MAGI2: variants seen among roughly 807,000 people sequenced by gnomAD.
MAGI2 encodes the protein membrane-associated guanylate kinase, WW and PDZ domain-containing protein 2.
A neutral mutation model predicts 133.3 loss-of-function variants in MAGI2; 35 were observed. The observed-to-expected ratio is 0.26, with a 90% confidence interval of 0.20 to 0.35. The LOEUF (loss-of-function observed/expected upper bound fraction) is 0.35, where lower values mean the gene tolerates loss of function less well. Ranked by LOEUF, MAGI2 falls within the 10% of genes least tolerant of loss-of-function variation. MAGI2 has a pLI of 1.00. For synonymous variants in MAGI2, 729 were observed against 710.6 expected, an observed-to-expected ratio of 1.03 and a Z score of -0.41; for missense variants, 1,636 against 1,863.4, an observed-to-expected ratio of 0.88 and a Z score of 2.25.
At chr7:78,521,725 T>C in intron 3 of MAGI2, 80 bp from the exon 4 acceptor site, 2 of 1,179,096 alleles carry the variant, frequency 1.7e-6, no homozygotes, top group South Asian at 2.6e-5. Flanking sequence ...GGAAATTATA[T>C]TAACACATTT....
chr7:78,061,814 C>A (rs571537946), intron 21 of MAGI2, among the ~76,000 whole-genome samples: 9 of 152,136 alleles, frequency 5.9e-5, no homozygotes, highest in Non-Finnish European at 1.0e-4. Context: ...GAAAATCCAG[C>A]GAATACACTG....
At chr7:79,060,160 A>C (rs930345347) in intron 1 of MAGI2, among the ~76,000 whole-genome samples, 3 of 152,080 alleles carry the variant, frequency 2.0e-5, no homozygotes, top group Admixed American at 6.6e-5. Context: ...ATAAGAAAGG[A>C]AGACTCAGAA....
chr7:78,588,435 G>C (rs1056977518), intron 3 of MAGI2, among the ~76,000 whole-genome samples: 1 of 152,164 alleles, frequency 6.6e-6, no homozygotes, highest in East Asian at 1.9e-4. Context: ...AGGGGGAGGG[G>C]TAGATGGCTG....
intron 2 of MAGI2, among the ~76,000 whole-genome samples, chr7:78,878,801 C>T (rs1447183832): frequency 6.6e-6 from 1 of 152,182 alleles, no homozygotes; most frequent in Non-Finnish European, 1.5e-5. Context: ...GGCAGATCTT[C>T]ATACATCTGA....
chr7:78,542,863 G>A (rs905181969), intron 3 of MAGI2, among the ~76,000 whole-genome samples: 2 of 152,180 alleles, frequency 1.3e-5, no homozygotes, highest in Admixed American at 1.3e-4. Context: ...CTTCCTTCTT[G>A]TTACGCTGTG....
intron 7 of MAGI2, among the ~76,000 whole-genome samples, chr7:78,355,459 T>G (rs1280295159): frequency 6.6e-6 from 1 of 151,974 alleles, no homozygotes; most frequent in African/African-American, 2.4e-5. Context: ...GATGGCAGAG[T>G]GGGATGGGAA....
intron 6 of MAGI2, among the ~76,000 whole-genome samples, chr7:78,419,646 A>C (rs1584011853): frequency 6.7e-6 from 1 of 149,922 alleles, no homozygotes; most frequent in East Asian, 2.0e-4. Context: ...AAGAGAGCTA[A>C]GCATTTTTTC....
chr7:78,958,488 T>C (rs1342054884), intron 2 of MAGI2, among the ~76,000 whole-genome samples: 3 of 152,156 alleles, frequency 2.0e-5, no homozygotes, highest in African/African-American at 4.8e-5. Context: ...TTCTTGCCAA[T>C]CATAACTCAA....
intron 3 of MAGI2, among the ~76,000 whole-genome samples, chr7:78,573,313 A>AATATATATATAAATATATATATTTAT (rs1563189185): frequency 4.6e-5 from 2 of 43,444 alleles, no homozygotes; most frequent in Non-Finnish European, 8.4e-5. Flanking sequence ...TATATATATA[A>AATATATATATAAATATATATATTTAT]ATATATAAAT....
chr7:79,280,166 T>C (rs1416947523), intron 1 of MAGI2, among the ~76,000 whole-genome samples: 1 of 152,164 alleles, frequency 6.6e-6, no homozygotes, highest in Non-Finnish European at 1.5e-5. Context: ...GTTAGGAAGA[T>C]ACAGAGGCAC....
chr7:78,695,550 T>C (rs1563366803), intron 2 of MAGI2, among the ~76,000 whole-genome samples: 1 of 152,182 alleles, frequency 6.6e-6, no homozygotes, highest in Admixed American at 6.5e-5. Flanking sequence ...TAGTCATATT[T>C]TGGGGTTTCT....
chr7:78,954,011 GT>G (rs1297749064), intron 2 of MAGI2, among the ~76,000 whole-genome samples: 1 of 152,058 alleles, frequency 6.6e-6, no homozygotes, highest in African/African-American at 2.4e-5. Flanking sequence ...CCTTCCTGTA[GT>G]TAATAAATCA....
At chr7:78,541,802 C>A (rs559717501) in intron 3 of MAGI2, among the ~76,000 whole-genome samples, 1 of 152,120 alleles carries the variant, frequency 6.6e-6, no homozygotes, top group Non-Finnish European at 1.5e-5. Flanking sequence ...TTTAAAAGGC[C>A]GGTAAAAGAA....
chr7:79,229,982 C>A (rs559391825), intron 1 of MAGI2, among the ~76,000 whole-genome samples: 1 of 129,014 alleles, frequency 7.8e-6, no homozygotes, highest in Non-Finnish European at 1.6e-5. Flanking sequence ...GTGATATTCC[C>A]CTTCCTGTGT....
chr7:78,209,075 A>AGCC (rs1447019652), intron 10 of MAGI2, among the ~76,000 whole-genome samples: 1 of 137,396 alleles, frequency 7.3e-6, no homozygotes, highest in Non-Finnish European at 1.6e-5. Context: ...ACAAAAAATT[A>AGCC]GCCGGGCGTG....
chr7:78,795,067 G>A (rs935190595), intron 2 of MAGI2, among the ~76,000 whole-genome samples: 1 of 151,912 alleles, frequency 6.6e-6, no homozygotes, highest in Non-Finnish European at 1.5e-5. Flanking sequence ...GTCCTACTCA[G>A]AGCAATTGAA....
At chr7:78,640,401 T>A (rs1182415422) in intron 2 of MAGI2, among the ~76,000 whole-genome samples, 5 of 152,246 alleles carry the variant, frequency 3.3e-5, no homozygotes, top group Non-Finnish European at 1.5e-5. Flanking sequence ...GTTTTAGGAA[T>A]TAAAAATATA....
At chr7:79,235,185 T>C (rs1831787749) in intron 1 of MAGI2, among the ~76,000 whole-genome samples, 1 of 152,158 alleles carries the variant, frequency 6.6e-6, no homozygotes, top group Non-Finnish European at 1.5e-5. Context: ...GGAGAACCAC[T>C]GCTCTCTTCA....
chr7:78,363,587 T>C (rs542625669), intron 7 of MAGI2, among the ~76,000 whole-genome samples: 2 of 151,804 alleles, frequency 1.3e-5, no homozygotes, highest in South Asian at 2.1e-4. Flanking sequence ...CATGGGATTA[T>C]ATGTTTCTTT....
Sources: allele counts gnomAD v4.1 joint callset (sites outside exome capture counted in the v4.1 genomes callset), GRCh38; gene constraint gnomAD v4.1.1; transcripts MANE v1.5; gene names NCBI Gene and HGNC (gene_info 2026-07-23, HGNC 2026-07-21).